The following MECOM variants were observed in gnomAD, a reference collection of about 807,000 sequenced individuals.
MECOM encodes the protein histone-lysine N-methyltransferase MECOM.
MECOM carries 13 observed loss-of-function variants against 116.3 expected under a neutral mutation model. That is an observed-to-expected ratio of 0.11 (90% CI 0.07 to 0.18). The LOEUF (loss-of-function observed/expected upper bound fraction) is 0.18. MECOM is among the 10% of genes least tolerant of loss of function. The pLI is 1.00. For synonymous variants in MECOM, 528 were observed against 535.2 expected (o/e 0.99, Z 0.19); for missense variants, 1,299 against 1,509.0 (o/e 0.86, Z 2.31).
intron 2 of MECOM, among the ~76,000 whole-genome samples, chr3:169,180,794 G>GAGATATATATAT (rs1553760969): frequency 9.2e-6 from 1 of 108,718 alleles, no homozygotes; most frequent in African/African-American, 3.2e-5. Flanking sequence ...GTGTGGAGAT[G>GAGATATATATAT]ATATATATAT....
chr3:169,475,565 T>C (rs9848010), intron 1 of MECOM, among the ~76,000 whole-genome samples: 13,274 of 151,842 alleles, frequency 0.087, 1,017 homozygotes, highest in African/African-American at 0.21. Context: ...TTAAAAATAG[T>C]GACTAAAAAG....
chr3:169,594,503 T>C (rs1006726007), intron 1 of MECOM, among the ~76,000 whole-genome samples: 1 of 152,028 alleles, frequency 6.6e-6, no homozygotes, highest in Non-Finnish European at 1.5e-5. Context: ...GCCAGCATTC[T>C]GGCTTAATAG....
At chr3:169,498,248 T>C (rs5004898) in intron 1 of MECOM, among the ~76,000 whole-genome samples, 7,503 of 152,254 alleles carry the variant, frequency 0.049, 415 homozygotes, top group East Asian at 0.31. Flanking sequence ...TGAAAAATAT[T>C]TATTGAAAAT....
intron 15 of MECOM, 138 bp from the exon 16 acceptor site, chr3:169,089,321 G>A: frequency 1.9e-6 from 1 of 527,984 alleles, no homozygotes. Flanking sequence ...ATCAATTATT[G>A]GGTTTTTATA....
chr3:169,516,295 A>G (rs1488995916), intron 1 of MECOM, among the ~76,000 whole-genome samples: 1 of 152,190 alleles, frequency 6.6e-6, no homozygotes, highest in Non-Finnish European at 1.5e-5. Flanking sequence ...ATACGTGAAA[A>G]GTTTTCATAC....
chr3:169,501,225 A>G (rs1259951262), intron 1 of MECOM, among the ~76,000 whole-genome samples: 1 of 152,042 alleles, frequency 6.6e-6, no homozygotes, highest in Non-Finnish European at 1.5e-5. Flanking sequence ...AGTTAAGTAC[A>G]TTAACATACA....
At chr3:169,393,349 T>G (rs1734526412) in intron 1 of MECOM, among the ~76,000 whole-genome samples, 1 of 152,168 alleles carries the variant, frequency 6.6e-6, no homozygotes, top group Non-Finnish European at 1.5e-5. Context: ...TCTGGTGTCT[T>G]ACACTACCCA....
chr3:169,451,757 C>A (rs1452855256), intron 1 of MECOM, among the ~76,000 whole-genome samples: 1 of 152,026 alleles, frequency 6.6e-6, no homozygotes, highest in East Asian at 1.9e-4. Flanking sequence ...CACAAAATTT[C>A]TATCGCTTAG....
At chr3:169,124,032 G>A (rs144975372) in intron 5 of MECOM, among the ~76,000 whole-genome samples, 18 of 152,132 alleles carry the variant, frequency 1.2e-4, no homozygotes, top group African/African-American at 4.3e-4. Flanking sequence ...GGTTCTCTAC[G>A]CGAAATTAAT....
chr3:169,365,932 C>A (rs900090547), intron 2 of MECOM, among the ~76,000 whole-genome samples: 4 of 151,988 alleles, frequency 2.6e-5, no homozygotes, highest in African/African-American at 9.7e-5. Flanking sequence ...TATCAAGCAT[C>A]TATTTCTTTA....
chr3:169,244,602 A>G (rs1340476389), intron 2 of MECOM, among the ~76,000 whole-genome samples: 2 of 152,182 alleles, frequency 1.3e-5, no homozygotes, highest in Non-Finnish European at 2.9e-5. Flanking sequence ...TAGATTCTTA[A>G]TTCTCCATTA....
intron 1 of MECOM, among the ~76,000 whole-genome samples, chr3:169,479,022 T>C (rs527766573): frequency 1.7e-4 from 26 of 152,308 alleles, no homozygotes; most frequent in Admixed American, 5.2e-4. Context: ...GGCATAGAAC[T>C]GAATGGGAGG....
intron 2 of MECOM, among the ~76,000 whole-genome samples, chr3:169,326,746 A>T (rs1303028979): frequency 6.6e-6 from 1 of 152,210 alleles, no homozygotes; most frequent in East Asian, 1.9e-4. Context: ...GTGTGAAATT[A>T]AATATTAATT....
chr3:169,264,292 G>T (rs375971263), intron 2 of MECOM, among the ~76,000 whole-genome samples: 1 of 152,106 alleles, frequency 6.6e-6, no homozygotes, highest in Admixed American at 6.5e-5. Flanking sequence ...CTGATGGGAG[G>T]CTGAGAGACA....
At chr3:169,215,349 T>C (rs2149484442) in intron 2 of MECOM, among the ~76,000 whole-genome samples, 1 of 151,996 alleles carries the variant, frequency 6.6e-6, no homozygotes, top group Non-Finnish European at 1.5e-5. Context: ...AAATCATTTG[T>C]GGTGAATTTA....
intron 1 of MECOM, among the ~76,000 whole-genome samples, chr3:169,542,626 C>T (rs1760227005): frequency 6.6e-6 from 1 of 152,118 alleles, no homozygotes; most frequent in Admixed American, 6.6e-5. Flanking sequence ...GTCAAGATCT[C>T]AACTGTGAAG....
chr3:169,277,087 T>C (rs552029063), intron 2 of MECOM, among the ~76,000 whole-genome samples: 16 of 152,044 alleles, frequency 1.1e-4, no homozygotes, highest in African/African-American at 3.9e-4. Context: ...TGAGGCTACT[T>C]CCCCTCTTTT....
chr3:169,477,739 T>C (rs1404192497), intron 1 of MECOM, among the ~76,000 whole-genome samples: 2 of 152,210 alleles, frequency 1.3e-5, no homozygotes, highest in Non-Finnish European at 2.9e-5. Context: ...GCAAACCTTG[T>C]AGATAGCCAA....
At chr3:169,385,671 CA>C (rs1440427668) in intron 1 of MECOM, among the ~76,000 whole-genome samples, 2 of 152,098 alleles carry the variant, frequency 1.3e-5, no homozygotes, top group Non-Finnish European at 2.9e-5. Flanking sequence ...ATACATTACT[CA>C]AAAACTATCC....
Sources: gnomAD v4.1 joint callset for allele counts (sites outside exome capture counted in the v4.1 genomes callset) on GRCh38, gnomAD v4.1.1 for gene constraint, MANE v1.5 for transcripts, NCBI Gene and HGNC (gene_info 2026-07-23, HGNC 2026-07-21) for gene names.